Variants in ZNF485 observed in about 807,000 individuals in gnomAD.
ZNF485 encodes the protein Zinc finger protein 93 (Zinc finger protein HTF34).
Under a neutral mutation model 10.8 loss-of-function variants are expected in ZNF485, and 9 were observed. The ratio of observed to expected loss-of-function variants is 0.83; its 90% CI spans 0.50 to 1.45. ZNF485 has a LOEUF of 1.45. ZNF485 is among the 40% of genes most tolerant of loss of function. ZNF485 has a pLI of 0.00. For synonymous variants in ZNF485, 187 were observed against 181.0 expected (o/e 1.03, Z -0.27); for missense variants, 487 against 528.0 (o/e 0.92, Z 0.76).
intron 2 of ZNF485, 161 bp downstream of exon 2, chr10:43,607,235 C>A (rs959409819): frequency 1.3e-6 from 1 of 781,378 alleles, no homozygotes. Flanking sequence ...ATTACGTAGT[C>A]ATTCACCAAG....
chr10:43,611,236 T>A (rs1004576894), intron 4 of ZNF485, among the ~76,000 whole-genome samples: 11 of 151,978 alleles, frequency 7.2e-5, no homozygotes, highest in African/African-American at 9.7e-5. Context: ...TATTTATTTT[T>A]AAATTTTTTT....
chr10:43,609,130 G>A, intron 3 of ZNF485, 125 bp from the exon 4 acceptor site: 2 of 742,490 alleles, frequency 2.7e-6, no homozygotes, highest in East Asian at 5.4e-5. Context: ...ACCTGTCCAT[G>A]CTCATTGCAG....
intron 4 of ZNF485, among the ~76,000 whole-genome samples, chr10:43,612,837 G>A (rs545876330): frequency 6.7e-4 from 102 of 152,004 alleles, no homozygotes; most frequent in Middle Eastern, 6.8e-3. Flanking sequence ...TGAATCTTAA[G>A]TTCCTTTTCC....
rs537028478 is a variant in ZNF485, at chr10:43,607,212, G to A, written c.24+138G>A. The A allele has an allele frequency of 3.8e-4, 366 of 973,222 alleles. 1 individual carries two copies. The South Asian group carries it at 4.1e-3, about 11-fold the overall frequency. 60.3% of individuals were successfully genotyped at this position (973,222 alleles called of 1,614,324 possible). A position where few individuals can be genotyped will look rare whatever the true frequency, so the allele number is the denominator to read the frequency against. On this transcript the variant is annotated intron_variant, in intron 2 of 4. Coordinates refer to ENST00000361807, the MANE Select transcript of ZNF485 (RefSeq NM_145312.4). ...ATCCTGGATGGGTCCCGCGATTTCC[G>A]TCCTGTCTACCCATTACGTAGTCAT... is the stretch of plus-strand genomic sequence containing the variant.
At chr10:43,614,255 A>G (rs1448881450) in intron 4 of ZNF485, among the ~76,000 whole-genome samples, 1 of 151,744 alleles carries the variant, frequency 6.6e-6, no homozygotes, top group East Asian at 1.9e-4. Context: ...ATTGGTCCCT[A>G]TAGAGCATCT....
Position 43,609,344 on chromosome 10 carries a change from C to T in ZNF485, c.241C>T (p.His81Tyr). The T allele has an allele frequency of 1.9e-6, 3 of 1,613,386 alleles. No homozygotes were observed. The East Asian group carries it at 6.7e-5, about 36-fold the overall frequency. The stretch of plus-strand genomic sequence containing the variant: ...GGTGCGAGAGGCTCCATCAGGCACA[C>T]ATGCAGGTGAGTGGGTGGGGAACAT... ...TEVREAPSGTHAVEDYWFETK... is the reference protein window; with the variant it reads ...TEVREAPSGTYAVEDYWFETK... The change falls in exon 4 of 5, where the codon CAT (histidine) becomes TAT (tyrosine). Residue 81 changes from histidine to tyrosine, a missense_variant. Coordinates refer to ENST00000361807, the MANE Select transcript of ZNF485 (RefSeq NM_145312.4).
At chr10:43,613,794 C>A (rs1265504498) in intron 4 of ZNF485, among the ~76,000 whole-genome samples, 1 of 152,196 alleles carries the variant, frequency 6.6e-6, no homozygotes, top group Non-Finnish European at 1.5e-5. Context: ...TGTGTGAGAG[C>A]ACTCCTTGTT....
intron 4 of ZNF485, among the ~76,000 whole-genome samples, chr10:43,613,523 G>T (rs981514074): frequency 4.6e-5 from 7 of 152,232 alleles, no homozygotes; most frequent in African/African-American, 1.4e-4. Context: ...GCTGATGCTG[G>T]TGCTGTGGGG....
chr10:43,608,490 A>G (rs1838698353), intron 2 of ZNF485, 124 bp from the exon 3 acceptor site: 2 of 1,278,436 alleles, frequency 1.6e-6, no homozygotes, highest in Non-Finnish European at 2.2e-6. Context: ...CTCAGCTTTT[A>G]CTTGTTGGTT....
chr10:43,606,662 C>T, intron 1 of ZNF485, 116 bp downstream of exon 1: 1 of 325,702 alleles, frequency 3.1e-6, no homozygotes, highest in South Asian at 5.1e-5. Context: ...GGGAAGGCGG[C>T]GGTGGGCAGT....
chr10:43,607,188 T>G (rs1309243889), intron 2 of ZNF485, 114 bp downstream of exon 2: 53 of 1,266,282 alleles, frequency 4.2e-5, no homozygotes, highest in Non-Finnish European at 5.6e-5. Flanking sequence ...CCCGAACCAA[T>G]CCTGGATGGG....
chr10:43,608,090 C>T (rs1384591080), intron 2 of ZNF485, among the ~76,000 whole-genome samples: 2 of 152,090 alleles, frequency 1.3e-5, no homozygotes, highest in Admixed American at 6.5e-5. Context: ...AGATCATACT[C>T]CCTGTAAATT....
intron 3 of ZNF485, 72 bp from the exon 4 acceptor site, chr10:43,609,183 T>A: frequency 8.4e-7 from 1 of 1,193,420 alleles, no homozygotes; most frequent in Non-Finnish European, 1.2e-6. Flanking sequence ...TGCTTGTGCT[T>A]GTAACCGCCA....
intron 1 of ZNF485, 123 bp from the exon 2 acceptor site, chr10:43,606,874 C>A: frequency 1.8e-5 from 12 of 672,350 alleles, no homozygotes; most frequent in Non-Finnish European, 3.1e-5. Flanking sequence ...CCCGAGCGTA[C>A]CCACCTGGAC....
intron 2 of ZNF485, 69 bp downstream of exon 2, chr10:43,607,143 C>T (rs1439663690): frequency 3.0e-5 from 46 of 1,527,610 alleles, no homozygotes; most frequent in Non-Finnish European, 3.6e-5. Flanking sequence ...GCCTCTTGCC[C>T]GGACAATGCC....
Position 43,616,875 on chromosome 10 carries a change from G to A in ZNF485, c.832G>A (p.Ala278Thr). The A allele has an allele frequency of 6.2e-7, 1 of 1,614,104 alleles. No individual in the cohort carries two copies. The highest frequency in any genetic ancestry group is 1.1e-5 in the South Asian group (1 of 91,078). Residue 278 changes from alanine to threonine, a missense_variant, in exon 5 of 5, where the codon GCT becomes ACT. By Grantham distance (58) the Ala-to-Thr change is moderately conservative (BLOSUM62 0). Transcript: ENST00000361807. ...TTTTAAATGTAACAAGTGTGGGAGA[G>A]CTTTCAGGGATAATTCAACTGTGTT... The part of the protein sequence containing the change: ...KPFKCNKCGR[A>T]FRDNSTVLEH...
chr10:43,608,541 CA>C, intron 2 of ZNF485, 72 bp from the exon 3 acceptor site: 1 of 1,531,902 alleles, frequency 6.5e-7, no homozygotes, highest in Non-Finnish European at 8.8e-7. Flanking sequence ...TGGCTTTGAC[CA>C]CCTTGCTTCC....
In ZNF485 at chr10:43,609,356, T is replaced by C. The variant is rs1349456641; in HGVS notation, c.247+6T>C. The C allele has an allele frequency of 6.2e-7, 1 of 1,611,988 alleles. No individual in the cohort carries two copies. The highest frequency in any genetic ancestry group is 8.5e-7 in the Non-Finnish European group (1 of 1,178,420). On this transcript the variant is annotated splice_donor_region_variant and intron_variant, in intron 4 of 4. Transcript: ENST00000361807. ...TCCATCAGGCACACATGCAGGTGAGTGGGTGGGGAACATCCCAGCAGAAGC... is the reference window on the plus strand; with the variant it reads ...TCCATCAGGCACACATGCAGGTGAGCGGGTGGGGAACATCCCAGCAGAAGC...
intron 4 of ZNF485, among the ~76,000 whole-genome samples, chr10:43,611,036 T>C (rs1470781333): frequency 2.0e-5 from 3 of 152,048 alleles, no homozygotes; most frequent in Non-Finnish European, 4.4e-5. Context: ...CTCTCCTCTC[T>C]CTCTTTCTTT....
Sources: allele counts gnomAD v4.1 joint callset (sites outside exome capture counted in the v4.1 genomes callset), GRCh38; gene constraint gnomAD v4.1.1; transcripts MANE v1.5; gene names NCBI Gene and HGNC (gene_info 2026-07-23, HGNC 2026-07-21).